Variants in NFILZ observed in about 807,000 individuals in gnomAD.
The protein encoded by NFILZ is NFIL3 like protein.
chr19:8,647,582 C>G (rs2340541), intron 3 of NFILZ, among the ~76,000 whole-genome samples: 3 of 147,978 alleles, frequency 2.0e-5, no homozygotes, highest in Admixed American at 6.8e-5. Context: ...CCGCACCCCC[C>G]CCCCCAAAAA....
At chr19:8,663,750 G>GCA (rs2043046905) in intron 3 of NFILZ, among the ~76,000 whole-genome samples, 15 of 137,064 alleles carry the variant, frequency 1.1e-4, no homozygotes, top group Middle Eastern at 3.6e-3. Flanking sequence ...GTGTGTGTGT[G>GCA]TGTGTGTGTG....
chr19:8,653,649 G>T (rs1555748018), intron 3 of NFILZ, among the ~76,000 whole-genome samples: 1 of 152,226 alleles, frequency 6.6e-6, no homozygotes, highest in Non-Finnish European at 1.5e-5. Flanking sequence ...GCCATGAAAA[G>T]AATGAAATAA....
chr19:8,674,197 C>G (rs1427819670), intron 3 of NFILZ, among the ~76,000 whole-genome samples: 7 of 152,164 alleles, frequency 4.6e-5, no homozygotes, highest in African/African-American at 1.7e-4. Flanking sequence ...CTCCTGAGCA[C>G]ATGAGCAGAT....
At chr19:8,637,921 A>AAAAAAAAG (rs1555746252) in intron 3 of NFILZ, among the ~76,000 whole-genome samples, 3 of 149,144 alleles carry the variant, frequency 2.0e-5, no homozygotes, top group East Asian at 3.9e-4. Context: ...TCAAAAAAAA[A>AAAAAAAAG]AAAAAAAAAA....
chr19:8,660,552 TCTCCTTCCTTCCTTCCTCCCCTCCCTCC>T (rs1470735693), intron 3 of NFILZ, among the ~76,000 whole-genome samples: 10,426 of 149,262 alleles, frequency 0.07, 504 homozygotes, highest in African/African-American at 0.12. Flanking sequence ...TCTTTCCTTC[TCTCCTTCCTTCCTTCCTCCCCTCCCTCC>T]CTCCTTCCTT....
intron 1 of NFILZ, among the ~76,000 whole-genome samples, chr19:8,631,830 TTGTGTGTGTGTGTGTG>T (rs71179868): frequency 6.9e-6 from 1 of 145,898 alleles, no homozygotes; most frequent in Non-Finnish European, 1.5e-5. Flanking sequence ...GTCCTCGCTT[TTGTGTGTGTGTGTGTG>T]TGTGTGTGTG....
intron 2 of NFILZ, among the ~76,000 whole-genome samples, chr19:8,635,213 G>C (rs1555745978): frequency 6.6e-6 from 1 of 151,434 alleles, no homozygotes; most frequent in Non-Finnish European, 1.5e-5. Flanking sequence ...AGGAGGCTGA[G>C]GCAGGAGAAT....
chr19:8,656,461 T>TCTGAAGCTCCCCTTCTCC (rs2043001689), intron 3 of NFILZ, among the ~76,000 whole-genome samples: 1 of 18,328 alleles, frequency 5.5e-5, no homozygotes, highest in Non-Finnish European at 1.6e-4. Context: ...CCACCTTCTC[T>TCTGAAGCTCCCCTTCTCC]CTGAAGCCCA....
chr19:8,637,695 T>G (rs1555746234), intron 3 of NFILZ, among the ~76,000 whole-genome samples: 2 of 148,456 alleles, frequency 1.3e-5, no homozygotes, highest in African/African-American at 5.0e-5. Flanking sequence ...TCACCTGAGG[T>G]CAGGAGTTTG....
At chr19:8,647,787 GCGCGCGCGCACACACACA>G (rs782111413) in intron 3 of NFILZ, among the ~76,000 whole-genome samples, 9 of 94,906 alleles carry the variant, frequency 9.5e-5, no homozygotes, top group East Asian at 3.1e-4. Flanking sequence ...ATGCGCGCGC[GCGCGCGCGCACACACACA>G]CACACACACA....
At chr19:8,645,961 C>A (rs1346441348) in intron 3 of NFILZ, among the ~76,000 whole-genome samples, 1 of 152,152 alleles carries the variant, frequency 6.6e-6, no homozygotes, top group African/African-American at 2.4e-5. Flanking sequence ...AACTGGAAAA[C>A]CACAATTAGT....
chr19:8,671,838 A>G (rs550714462), intron 3 of NFILZ, among the ~76,000 whole-genome samples: 1 of 152,260 alleles, frequency 6.6e-6, no homozygotes, highest in Admixed American at 6.5e-5. Flanking sequence ...TCCCCCCAAG[A>G]CAGGGCCAGG....
chr19:8,647,973 C>T (rs1335100064), intron 3 of NFILZ, among the ~76,000 whole-genome samples: 3 of 151,492 alleles, frequency 2.0e-5, no homozygotes, highest in African/African-American at 7.3e-5. Context: ...GAGATCAAGA[C>T]CATCCTGGCT....
intron 3 of NFILZ, among the ~76,000 whole-genome samples, chr19:8,671,342 TAAACTCGGGCAGCAGAACTATCTGCTGCC>T (rs1295521643): frequency 5.9e-5 from 9 of 151,972 alleles, no homozygotes; most frequent in African/African-American, 2.2e-4. Context: ...TTTCTTTAAA[TAAACTCGGGCAGCAGAACTATCTGCTGCC>T]CCATCTCCCT....
intron 3 of NFILZ, among the ~76,000 whole-genome samples, chr19:8,653,011 C>CCTTCCTTTCTTT (rs2042974052): frequency 1.9e-5 from 1 of 52,894 alleles, no homozygotes; most frequent in Non-Finnish European, 3.4e-5. Flanking sequence ...TTCCTTCCTT[C>CCTTCCTTTCTTT]CTTTCTTTCT....
At chr19:8,660,464 C>T (rs182372494) in intron 3 of NFILZ, among the ~76,000 whole-genome samples, 354 of 152,012 alleles carry the variant, frequency 2.3e-3, no homozygotes, top group Non-Finnish European at 3.8e-3. Context: ...CACGTTGTCT[C>T]AAATGGCAGG....
At chr19:8,662,597 G>T (rs1397931902) in intron 3 of NFILZ, among the ~76,000 whole-genome samples, 1 of 151,924 alleles carries the variant, frequency 6.6e-6, no homozygotes, top group Non-Finnish European at 1.5e-5. Flanking sequence ...GTCCAAGAGA[G>T]GTGGCAGGTG....
intron 3 of NFILZ, among the ~76,000 whole-genome samples, chr19:8,656,269 T>A (rs1600147212): frequency 1.5e-5 from 1 of 68,728 alleles, no homozygotes; most frequent in African/African-American, 4.2e-5. Context: ...ATCTTCTCTC[T>A]GAAGCCCACC....
intron 3 of NFILZ, among the ~76,000 whole-genome samples, chr19:8,656,264 CT>C (rs2042993278): frequency 7.1e-6 from 1 of 140,078 alleles, no homozygotes; most frequent in Non-Finnish European, 1.5e-5. Flanking sequence ...AGCCCATCTT[CT>C]CTCTGAAGCC....
Sources: allele counts gnomAD v4.1 joint callset (sites outside exome capture counted in the v4.1 genomes callset), GRCh38; gene constraint gnomAD v4.1.1; transcripts MANE v1.5; gene names NCBI Gene and HGNC (gene_info 2026-07-23, HGNC 2026-07-21).